The following KRTAP8-1 variants were observed in gnomAD, a reference collection of about 807,000 sequenced individuals.
KRTAP8-1 encodes keratin-associated protein 8-1.
A neutral mutation model predicts 5.5 loss-of-function variants in KRTAP8-1; 4 were observed. The ratio of observed to expected loss-of-function variants is 0.73; its 90% CI spans 0.36 to 1.67. The LOEUF (loss-of-function observed/expected upper bound fraction) is 1.67. Ranked by LOEUF, KRTAP8-1 falls within the 40% of genes most tolerant of loss-of-function variation. KRTAP8-1 has a pLI of 0.05. For synonymous variants in KRTAP8-1, 35 were observed against 34.6 expected (o/e 1.01, Z -0.04); for missense variants, 79 against 80.3 (o/e 0.98, Z 0.06).
In KRTAP8-1 at chr21:30,813,038, A is replaced by G. The variant is rs1601156454; in HGVS notation, c.183T>C (p.Ala61=). The stretch of plus-strand genomic sequence containing the variant: ...CGGGGATTTCAGCCAATCAGTAGAG[A>G]GCAAATGGCGAGTATCTCCTGTAGC... ...AFGYRRYSPF[A]LY Residue 61 remains alanine, a synonymous_variant, in exon 1 of 1, where the codon GCT becomes GCC. Transcript: ENST00000329621. 1.2e-6 allele frequency: 2 copies of G among 1,613,910 alleles called. No homozygotes were observed. Among genetic ancestry groups the G allele is most frequent in the Non-Finnish European group, 8.5e-7 (1 of 1,179,880 alleles).
Position 30,812,797 on chromosome 21 carries a change from TG to T in KRTAP8-1, c.*231del, listed in dbSNP as rs1744434553. 2 of 433,786 alleles carry T rather than the reference TG, an allele frequency of 4.6e-6. No individual in the cohort carries two copies. The highest frequency in any genetic ancestry group is 8.3e-6 in the Non-Finnish European group (2 of 242,386). 26.9% of individuals were successfully genotyped at this position (433,786 alleles called of 1,614,324 possible). A position where few individuals can be genotyped will look rare whatever the true frequency, so the allele number is the denominator to read the frequency against. On this transcript the variant is annotated 3_prime_UTR_variant, in exon 1 of 1. Transcript: ENST00000329621. ...AAATTCAAAAGTAGCTCATGACAAGTGGGAGGTCAAATTTCCGAAAATGTCC... is the reference window on the plus strand; with the variant it reads ...AAATTCAAAAGTAGCTCATGACAAGTGGAGGTCAAATTTCCGAAAATGTCC...
chr21:30,813,195 G>A lies in KRTAP8-1; in HGVS notation c.26C>T (p.Ala9Val). ...GCCCCAGTAGCATCCTGGGAAGACAGCCCCGGGGAAGTTGTCGCAGAGCAT... is the reference window on the plus strand; with the variant it reads ...GCCCCAGTAGCATCCTGGGAAGACAACCCCGGGGAAGTTGTCGCAGAGCAT... MLCDNFPG[A>V]VFPGCYWGSY... is the part of the protein sequence containing the mutation. Residue 9 changes from alanine (A) to valine (V), a missense_variant, in exon 1 of 1, where the codon GCT (alanine) becomes GTT (valine). Physicochemically the swap from Ala to Val is moderately conservative, Grantham distance 64. Coordinates refer to ENST00000329621, the MANE Select transcript of KRTAP8-1 (RefSeq NM_175857.4). The A allele has an allele frequency of 6.2e-7, 1 of 1,614,050 alleles. No individual in the cohort carries two copies. Among genetic ancestry groups the A allele is most frequent in the Non-Finnish European group, 8.5e-7 (1 of 1,179,946 alleles).
In KRTAP8-1 at chr21:30,812,814, G is replaced by A. The variant is rs950278612; in HGVS notation, c.*215C>T. On this transcript the variant is annotated 3_prime_UTR_variant, in exon 1 of 1. Transcript: ENST00000329621. ...ATGACAAGTGGGAGGTCAAATTTCC[G>A]AAAATGTCCCAGAGAACATCAGCCA... is the stretch of plus-strand genomic sequence containing the variant. 15 of 448,672 alleles carry A rather than the reference G, an allele frequency of 3.3e-5. No homozygotes were observed. The highest frequency in any genetic ancestry group is 4.3e-5 in the Non-Finnish European group (11 of 255,748). 27.8% of individuals were successfully genotyped at this position (448,672 alleles called of 1,614,324 possible). A position where few individuals can be genotyped will look rare whatever the true frequency, so the allele number is the denominator to read the frequency against.
chr21:30,813,032 G>A lies in KRTAP8-1; in HGVS notation c.189C>T (p.Tyr63=), dbSNP rs779352980. 3 of 1,613,810 alleles carry A rather than the reference G, an allele frequency of 1.9e-6. No individual in the cohort carries two copies. Among genetic ancestry groups the A allele is most frequent in the Non-Finnish European group, 2.5e-6 (3 of 1,179,808 alleles). The change falls in exon 1 of 1, where the codon TAC becomes TAT. Residue 63 remains tyrosine, a synonymous_variant. Coordinates refer to ENST00000329621, the MANE Select transcript of KRTAP8-1 (RefSeq NM_175857.4). The part of the protein sequence containing the change: ...GYRRYSPFAL[Y] ...ACACCTCGGGGATTTCAGCCAATCAGTAGAGAGCAAATGGCGAGTATCTCC... is the reference window on the plus strand; with the variant it reads ...ACACCTCGGGGATTTCAGCCAATCAATAGAGAGCAAATGGCGAGTATCTCC...
rs766330562 is a variant in KRTAP8-1, at chr21:30,813,005, C to T, written c.*24G>A. Reference sequence around the variant, plus strand: ...CTCAGCCTTCAAGGGAGAGAAGATGCTACACCTCGGGGATTTCAGCCAATC... The same window carrying T: ...CTCAGCCTTCAAGGGAGAGAAGATGTTACACCTCGGGGATTTCAGCCAATC... On this transcript the variant is annotated 3_prime_UTR_variant, in exon 1 of 1. Coordinates refer to ENST00000329621, the MANE Select transcript of KRTAP8-1 (RefSeq NM_175857.4). The T allele has an allele frequency of 6.8e-6, 11 of 1,605,984 alleles. No individual in the cohort carries two copies. Among genetic ancestry groups the T allele is most frequent in the South Asian group, 3.3e-5 (3 of 89,862 alleles).
Position 30,812,967 on chromosome 21 carries a change from T to G in KRTAP8-1, c.*62A>C. Reference sequence around the variant, plus strand: ...TGAAGGAGTGGATACGGGGGGAACCTGGAGATGTGGGGCTCAGCCTTCAAG... The same window carrying G: ...TGAAGGAGTGGATACGGGGGGAACCGGGAGATGTGGGGCTCAGCCTTCAAG... On this transcript the variant is annotated 3_prime_UTR_variant, in exon 1 of 1. Transcript: ENST00000329621. 6.6e-7 allele frequency: 1 copy of G among 1,520,420 alleles called. No homozygotes were observed. The highest frequency in any genetic ancestry group is 9.0e-7 in the Non-Finnish European group (1 of 1,115,810). 94.2% of individuals were successfully genotyped at this position (1,520,420 alleles called of 1,614,324 possible).
Position 30,812,842 on chromosome 21 carries a change from G to A in KRTAP8-1, c.*187C>T, listed in dbSNP as rs534571126. 1.9e-6 allele frequency: 1 copy of A among 522,336 alleles called. No individual in the cohort carries two copies. Among genetic ancestry groups the A allele is most frequent in the Non-Finnish European group, 3.3e-6 (1 of 307,524 alleles). The allele number at this position is 522,336 out of a possible 1,614,324, so 32.4% of individuals were successfully genotyped here. ...AATGTCCCAGAGAACATCAGCCAGG[G>A]GAGGCAGCTTGAGGAAGCGTCTGCT... is the stretch of plus-strand genomic sequence containing the variant. On this transcript the variant is annotated 3_prime_UTR_variant, in exon 1 of 1. Coordinates refer to ENST00000329621, the MANE Select transcript of KRTAP8-1 (RefSeq NM_175857.4).
chr21:30,813,155 C>A lies in KRTAP8-1; in HGVS notation c.66G>T (p.Pro22=), dbSNP rs770707950. Residue 22 remains proline, a synonymous_variant, in exon 1 of 1, where the codon CCG becomes CCT. Transcript: ENST00000329621. ...PGCYWGSYGY[P]LGYSVGCGYG... ...AGCCACAGCCAACGCTATATCCCAG[C>A]GGGTAGCCATAGCTGCCCCAGTAGC... The A allele has an allele frequency of 3.7e-6, 6 of 1,613,964 alleles. No homozygotes were observed. The highest frequency in any genetic ancestry group is 2.2e-5 in the East Asian group (1 of 44,872).
rs1172760158 is a variant in KRTAP8-1, at chr21:30,812,728, A to G, written c.*301T>C. 4.5e-6 allele frequency: 1 copy of G among 223,198 alleles called. No individual in the cohort carries two copies. The highest frequency in any genetic ancestry group is 1.0e-4 in the East Asian group (1 of 9,738). 13.8% of individuals were successfully genotyped at this position (223,198 alleles called of 1,614,324 possible). On this transcript the variant is annotated 3_prime_UTR_variant, in exon 1 of 1. Transcript: ENST00000329621. ...CTGAGACAAATTTATTGAGATTTTGATAGACATATCCATGACTTCATCACA... is the reference window on the plus strand; with the variant it reads ...CTGAGACAAATTTATTGAGATTTTGGTAGACATATCCATGACTTCATCACA...
rs1436984763 is a variant in KRTAP8-1, at chr21:30,813,138, C to T, written c.83G>A (p.Gly28Asp). ...SYGYPLGYSV[G>D]CGYGSTYSPV... is the part of the protein sequence containing the mutation. ...AGAGTAGGTGCTGCCATAGCCACAGCCAACGCTATATCCCAGCGGGTAGCC... is the reference window on the plus strand; with the variant it reads ...AGAGTAGGTGCTGCCATAGCCACAGTCAACGCTATATCCCAGCGGGTAGCC... Residue 28 changes from glycine (G) to aspartate (D), a missense_variant, in exon 1 of 1, where the codon GGC becomes GAC. Transcript: ENST00000329621. The T allele has an allele frequency of 6.2e-7, 1 of 1,614,012 alleles. No individual in the cohort carries two copies. The highest frequency in any genetic ancestry group is 8.5e-7 in the Non-Finnish European group (1 of 1,179,912).
rs1984883693 is a variant in KRTAP8-1 at position 30,813,008 on chromosome 21, C to G, written c.*21G>C. On this transcript the variant is annotated 3_prime_UTR_variant, in exon 1 of 1. Transcript: ENST00000329621. ...AGCCTTCAAGGGAGAGAAGATGCTA[C>G]ACCTCGGGGATTTCAGCCAATCAGT... 6.2e-7 allele frequency: 1 copy of G among 1,607,604 alleles called. No individual in the cohort carries two copies. The highest frequency in any genetic ancestry group is 2.2e-5 in the East Asian group (1 of 44,782).
rs1432655269 is a variant in KRTAP8-1 at position 30,812,802 on chromosome 21, G to A, written c.*227C>T. The A allele has an allele frequency of 6.8e-6, 3 of 439,378 alleles. No homozygotes were observed. The highest frequency in any genetic ancestry group is 7.4e-5 in the Admixed American group (2 of 27,012). 27.2% of individuals were successfully genotyped at this position (439,378 alleles called of 1,614,324 possible). ...CAAAAGTAGCTCATGACAAGTGGGAGGTCAAATTTCCGAAAATGTCCCAGA... is the reference window on the plus strand; with the variant it reads ...CAAAAGTAGCTCATGACAAGTGGGAAGTCAAATTTCCGAAAATGTCCCAGA... On this transcript the variant is annotated 3_prime_UTR_variant, in exon 1 of 1. Transcript: ENST00000329621.
rs575852389 is a variant in KRTAP8-1 at position 30,812,881 on chromosome 21, C to G, written c.*148G>C. 2.9e-6 allele frequency: 2 copies of G among 692,796 alleles called. No homozygotes were observed. The highest frequency in any genetic ancestry group is 4.5e-6 in the Non-Finnish European group (2 of 448,026). The allele number at this position is 692,796 out of a possible 1,614,324, so 42.9% of individuals were successfully genotyped here. A position where few individuals can be genotyped will look rare whatever the true frequency, so the allele number is the denominator to read the frequency against. Reference sequence around the variant, plus strand: ...GAAGCGTCTGCTTTTTCATTTTCCTCCCCTGGGACTCGAGGTAAGTTGGAA... The same window carrying G: ...GAAGCGTCTGCTTTTTCATTTTCCTGCCCTGGGACTCGAGGTAAGTTGGAA... On this transcript the variant is annotated 3_prime_UTR_variant, in exon 1 of 1. Transcript: ENST00000329621.
rs763238532 is a variant in KRTAP8-1 at position 30,813,203 on chromosome 21, G to T, written c.18C>A (p.Phe6Leu). Residue 6 changes from phenylalanine to leucine, a missense_variant, in exon 1 of 1, where the codon TTC becomes TTA. Coordinates refer to ENST00000329621, the MANE Select transcript of KRTAP8-1 (RefSeq NM_175857.4). MLCDNFPGAVFPGCYW... is the reference protein window; with the variant it reads MLCDNLPGAVFPGCYW... ...AGCATCCTGGGAAGACAGCCCCGGG[G>T]AAGTTGTCGCAGAGCATGGTGTCGG... 6 of 1,613,916 alleles carry T rather than the reference G, an allele frequency of 3.7e-6. 1 individual carries two copies. The South Asian group carries it at 6.6e-5, about 18-fold the overall frequency.
Position 30,812,981 on chromosome 21 carries a change from T to TCAGC in KRTAP8-1, c.*44_*47dup. 6.4e-7 allele frequency: 1 copy of TCAGC among 1,567,252 alleles called. No homozygotes were observed. Among genetic ancestry groups the TCAGC allele is most frequent in the Non-Finnish European group, 8.7e-7 (1 of 1,152,056 alleles). ...CGGGGGGAACCTGGAGATGTGGGGC[T>TCAGC]CAGCCTTCAAGGGAGAGAAGATGCT... On this transcript the variant is annotated 3_prime_UTR_variant, in exon 1 of 1. Transcript: ENST00000329621.
At position 30,813,008 on chromosome 21, in the gene KRTAP8-1, C is replaced by A; in HGVS notation, c.*21G>T. On this transcript the variant is annotated 3_prime_UTR_variant, in exon 1 of 1. Transcript: ENST00000329621. Reference sequence around the variant, plus strand: ...AGCCTTCAAGGGAGAGAAGATGCTACACCTCGGGGATTTCAGCCAATCAGT... The same window carrying A: ...AGCCTTCAAGGGAGAGAAGATGCTAAACCTCGGGGATTTCAGCCAATCAGT... 1 of 1,607,602 alleles carries A rather than the reference C, an allele frequency of 6.2e-7. No homozygotes were observed.
Position 30,812,896 on chromosome 21 carries a change from G to GT in KRTAP8-1, c.*132dup. 1.3e-6 allele frequency: 1 copy of GT among 768,786 alleles called. No homozygotes were observed. The highest frequency in any genetic ancestry group is 2.0e-6 in the Non-Finnish European group (1 of 509,560). 47.6% of individuals were successfully genotyped at this position (768,786 alleles called of 1,614,324 possible). A position where few individuals can be genotyped will look rare whatever the true frequency, so the allele number is the denominator to read the frequency against. Reference sequence around the variant, plus strand: ...TCATTTTCCTCCCCTGGGACTCGAGGTAAGTTGGAAAGCAGTGTCTCTGAG... The same window carrying GT: ...TCATTTTCCTCCCCTGGGACTCGAGGTTAAGTTGGAAAGCAGTGTCTCTGAG... On this transcript the variant is annotated 3_prime_UTR_variant, in exon 1 of 1. Coordinates refer to ENST00000329621, the MANE Select transcript of KRTAP8-1 (RefSeq NM_175857.4).
Position 30,813,263 on chromosome 21 carries a change from C to A in KRTAP8-1, c.-43G>T, listed in dbSNP as rs1369785806. ...GCTTAGGTAGCAACAGAGTGCGTTT[C>A]CTCAGTGGGATGGATTCCTAGTCTC... On this transcript the variant is annotated 5_prime_UTR_variant, in exon 1 of 1. Transcript: ENST00000329621. 1 of 1,592,016 alleles carries A rather than the reference C, an allele frequency of 6.3e-7. No homozygotes were observed. The highest frequency in any genetic ancestry group is 8.6e-7 in the Non-Finnish European group (1 of 1,166,168).
At position 30,813,209 on chromosome 21, in the gene KRTAP8-1, G is replaced by T. The variant is rs1209706601; in HGVS notation, c.12C>A (p.Asp4Glu). Reference protein sequence around the residue: MLCDNFPGAVFPGC... With the variant: MLCENFPGAVFPGC... ...CTGGGAAGACAGCCCCGGGGAAGTT[G>T]TCGCAGAGCATGGTGTCGGGAGTGG... Residue 4 changes from aspartate to glutamate, a missense_variant, in exon 1 of 1, where the codon GAC (aspartate) becomes GAA (glutamate). Coordinates refer to ENST00000329621, the MANE Select transcript of KRTAP8-1 (RefSeq NM_175857.4). The T allele has an allele frequency of 3.1e-6, 5 of 1,613,986 alleles. No homozygotes were observed. The highest frequency in any genetic ancestry group is 4.2e-6 in the Non-Finnish European group (5 of 1,179,904).
Sources: allele counts gnomAD v4.1 joint callset, GRCh38; gene constraint gnomAD v4.1.1; transcripts MANE v1.5; gene names NCBI Gene and HGNC (gene_info 2026-07-23, HGNC 2026-07-21).